ESRRG: variants seen among roughly 807,000 people sequenced by gnomAD.
ESRRG encodes estrogen related receptor gamma.
Under a neutral mutation model 44.0 loss-of-function variants are expected in ESRRG, and 13 were observed. The ratio of observed to expected loss-of-function variants is 0.30; its 90% CI spans 0.19 to 0.47. ESRRG has a LOEUF of 0.47. ESRRG is among the 20% of genes least tolerant of loss of function. The pLI is 1.00. For synonymous variants in ESRRG, 215 were observed against 214.6 expected, an observed-to-expected ratio of 1.00 and a Z score of -0.02; for missense variants, 395 against 580.6, an observed-to-expected ratio of 0.68 and a Z score of 3.29.
At chr1:216,676,077 A>G (rs1267186413) in intron 2 of ESRRG, among the ~76,000 whole-genome samples, 1 of 152,344 alleles carries the variant, frequency 6.6e-6, no homozygotes, top group Middle Eastern at 3.4e-3. Context: ...ACTGAGCAGA[A>G]CCATTGGTGT....
At chr1:217,046,914 T>C (rs543126613) in intron 1 of ESRRG, among the ~76,000 whole-genome samples, 2 of 152,166 alleles carry the variant, frequency 1.3e-5, no homozygotes, top group South Asian at 2.1e-4. Context: ...ATGGAAGATA[T>C]GCAACATCAT....
intron 1 of ESRRG, among the ~76,000 whole-genome samples, chr1:217,013,345 C>T (rs2078903434): frequency 6.6e-6 from 1 of 152,202 alleles, no homozygotes; most frequent in Non-Finnish European, 1.5e-5. Context: ...TTGAAGACTG[C>T]ATTACACTAA....
intron 2 of ESRRG, among the ~76,000 whole-genome samples, chr1:216,847,068 G>T (rs778267545): frequency 1.3e-5 from 2 of 151,978 alleles, no homozygotes; most frequent in Non-Finnish European, 2.9e-5. Flanking sequence ...TGCTTTTTTA[G>T]TGTAAAATGA....
intron 3 of ESRRG, among the ~76,000 whole-genome samples, chr1:216,635,599 G>T (rs2065131856): frequency 6.6e-6 from 1 of 152,126 alleles, no homozygotes; most frequent in Non-Finnish European, 1.5e-5. Flanking sequence ...ATGGATTCAA[G>T]GTCATTTGTT....
At chr1:217,021,049 TACACACACACACACACAC>T in intron 1 of ESRRG, among the ~76,000 whole-genome samples, 1 of 145,438 alleles carries the variant, frequency 6.9e-6, no homozygotes, top group Non-Finnish European at 1.5e-5. Context: ...CTGCCATGCA[TACACACACACACACACAC>T]ACACACACAT....
intron 1 of ESRRG, among the ~76,000 whole-genome samples, chr1:217,061,256 C>G (rs1468787763): frequency 2.6e-5 from 4 of 152,020 alleles, no homozygotes; most frequent in South Asian, 2.1e-4. Flanking sequence ...CCCCTATTAC[C>G]GAAGCATTAC....
intron 2 of ESRRG, among the ~76,000 whole-genome samples, chr1:216,758,535 AT>A (rs10718959): frequency 0.35 from 51,616 of 149,502 alleles, 10,865 homozygotes; most frequent in African/African-American, 0.6. Flanking sequence ...TGAGTCCAGA[AT>A]TTTTTTTTTT....
At chr1:217,101,914 C>T (rs1047030947) in intron 1 of ESRRG, among the ~76,000 whole-genome samples, 2 of 152,124 alleles carry the variant, frequency 1.3e-5, no homozygotes, top group Non-Finnish European at 2.9e-5. Flanking sequence ...TCAAGTGATT[C>T]TCCTGCCTCA....
In ESRRG at chr1:217,077,332, G is replaced by A. The variant is rs527318211; in HGVS notation, c.-106+12175C>T. Among the ~76,000 whole-genome samples, 6 of 152,262 alleles carry A rather than the reference G, an allele frequency of 3.9e-5. No homozygotes were observed. The South Asian group carries it at 1.2e-3, about 32-fold the overall frequency. On this transcript the variant is annotated intron_variant, in intron 1 of 7. Transcript: ENST00000359162. ...TGCATATTAAAAATTGATAGAAAGG[G>A]GGCATGGGCTTTTATTGGTTGGAGT... is the stretch of plus-strand genomic sequence containing the variant.
intron 1 of ESRRG, among the ~76,000 whole-genome samples, chr1:217,038,279 C>G (rs2083268026): frequency 6.6e-6 from 1 of 152,242 alleles, no homozygotes; most frequent in East Asian, 1.9e-4. Flanking sequence ...GCCTGGGCAT[C>G]CAGGTGTTTC....
At chr1:216,676,079 C>A (rs1011661255) in intron 2 of ESRRG, among the ~76,000 whole-genome samples, 10 of 152,138 alleles carry the variant, frequency 6.6e-5, no homozygotes, top group African/African-American at 2.4e-4. Context: ...TGAGCAGAAC[C>A]ATTGGTGTGC....
At chr1:216,841,973 AAT>A (rs199802826) in intron 2 of ESRRG, among the ~76,000 whole-genome samples, 23,177 of 152,090 alleles carry the variant, frequency 0.15, 1,937 homozygotes, top group African/African-American at 0.21. Flanking sequence ...TTCAAGGCTA[AAT>A]TAAGTAACCC....
Position 216,779,512 on chromosome 1 carries a change from T to A in ESRRG, c.-13-102021A>T, listed in dbSNP as rs1021500336. On this transcript the variant is annotated intron_variant, in intron 2 of 7. Coordinates refer to the ESRRG transcript ENST00000359162. Reference sequence around the variant, plus strand: ...TATATATTTATATATAAATATATATTTATAAATATAAATATAAATATTTAT... The same window carrying A: ...TATATATTTATATATAAATATATATATATAAATATAAATATAAATATTTAT... Among the ~76,000 whole-genome samples the A allele has an allele frequency of 3.6e-3, 123 of 34,612 alleles. 8 individuals are homozygous for A. The highest frequency in any genetic ancestry group is 0.042 in the Middle Eastern group (2 of 48). 22.7% of individuals were successfully genotyped at this position (34,612 alleles called of 152,430 possible). A position where few individuals can be genotyped will look rare whatever the true frequency, so the allele number is the denominator to read the frequency against.
chr1:216,954,456 T>C (rs1455300677), intron 1 of ESRRG, among the ~76,000 whole-genome samples: 3 of 152,140 alleles, frequency 2.0e-5, no homozygotes, highest in African/African-American at 7.2e-5. Flanking sequence ...TTCTTGCTGC[T>C]TAATTTAACA....
intron 2 of ESRRG, among the ~76,000 whole-genome samples, chr1:216,817,999 C>G (rs2095193040): frequency 2.6e-5 from 4 of 152,024 alleles, no homozygotes; most frequent in African/African-American, 9.7e-5. Flanking sequence ...TCTTGCTCCT[C>G]TCTATTTTTG....
chr1:216,905,836 C>T (rs1446452062), intron 2 of ESRRG, among the ~76,000 whole-genome samples: 2 of 152,300 alleles, frequency 1.3e-5, no homozygotes, highest in South Asian at 2.1e-4. Context: ...CTCCAACCTC[C>T]GCCTCCCAGG....
chr1:216,665,666 A>C (rs1010872380), intron 2 of ESRRG, among the ~76,000 whole-genome samples: 5 of 152,210 alleles, frequency 3.3e-5, no homozygotes, highest in Admixed American at 2.0e-4. Context: ...ACACATTAAA[A>C]AAATGGTTAA....
intron 2 of ESRRG, among the ~76,000 whole-genome samples, chr1:216,840,460 C>T (rs573603094): frequency 2.0e-5 from 3 of 152,166 alleles, no homozygotes; most frequent in Admixed American, 6.5e-5. Context: ...ACTAATGAGG[C>T]TGTTTTGTTT....
chr1:217,010,298 A>G (rs2078383342), intron 1 of ESRRG, among the ~76,000 whole-genome samples: 1 of 152,196 alleles, frequency 6.6e-6, no homozygotes, highest in African/African-American at 2.4e-5. Flanking sequence ...TCTGGGTCTG[A>G]AAATGACTGT....
Sources: gnomAD v4.1 joint callset for allele counts (sites outside exome capture counted in the v4.1 genomes callset) on GRCh38, gnomAD v4.1.1 for gene constraint, MANE v1.5 for transcripts, NCBI Gene and HGNC (gene_info 2026-07-23, HGNC 2026-07-21) for gene names.